Variants in DUSP18 observed in about 807,000 individuals in gnomAD.
The protein encoded by DUSP18 is dual specificity phosphatase 18.
DUSP18 carries 4 observed loss-of-function variants against 6.3 expected under a neutral mutation model. The ratio of observed to expected loss-of-function variants is 0.63; its 90% CI spans 0.31 to 1.45. The LOEUF is 1.45. Ranked by LOEUF, DUSP18 falls within the 40% of genes most tolerant of loss-of-function variation. The probability of loss-of-function intolerance (pLI) is 0.07; values close to 1 mark genes in which losing one functional copy is unlikely to be tolerated. For synonymous variants in DUSP18, 96 were observed against 95.1 expected (o/e 1.01, Z -0.05); for missense variants, 235 against 247.7 (o/e 0.95, Z 0.34).
chr22:30,663,734 G>A lies in DUSP18; in HGVS notation c.270C>T (p.Ile90=). The change falls in exon 2 of 2, where the codon ATC becomes ATT. Residue 90 remains isoleucine, a synonymous_variant. Transcript: ENST00000334679. ...GGCCCTGCTTCATCTCCACGCTGTG[G>A]ATATGGTCAGCAATAGGGTCAAAGA... is the stretch of plus-strand genomic sequence containing the variant. ...CDFFDPIADH[I]HSVEMKQGRT... The A allele has an allele frequency of 6.2e-7, 1 of 1,614,054 alleles. No individual in the cohort carries two copies.
downstream of DUSP18, among the ~76,000 whole-genome samples, chr22:30,657,909 T>TAAA (rs2088375958): frequency 7.0e-5 from 1 of 14,196 alleles, no homozygotes; most frequent in Non-Finnish European, 1.4e-4. Flanking sequence ...GTCTCAAAAA[T>TAAA]AATAATAATA....
At chr22:30,657,557 G>A (rs139117842), downstream of DUSP18, among the ~76,000 whole-genome samples, 8 of 151,918 alleles carry the variant, frequency 5.3e-5, no homozygotes, top group East Asian at 1.6e-3. Context: ...CCAGGAATTT[G>A]AGACCAGCCT....
At chr22:30,661,356 A>G (rs2088460702), downstream of DUSP18, 1 of 152,194 alleles carries the variant, frequency 6.6e-6, no homozygotes. Flanking sequence ...ATGCTCAAGT[A>G]ATATTTGCTT....
At chr22:30,660,624 T>C (rs917002738), downstream of DUSP18, among the ~76,000 whole-genome samples, 6 of 152,118 alleles carry the variant, frequency 3.9e-5, no homozygotes, top group Non-Finnish European at 8.8e-5. Context: ...TTCCCAGATA[T>C]CTGAAACACA....
downstream of DUSP18, among the ~76,000 whole-genome samples, chr22:30,660,650 GA>G (rs1233006157): frequency 6.6e-6 from 1 of 152,148 alleles, no homozygotes. Context: ...GTGGCTCTGT[GA>G]ACTCTGATAA....
chr22:30,662,828 A>C lies in DUSP18; in HGVS notation c.*609T>G, dbSNP rs2088516068. On this transcript the variant is annotated 3_prime_UTR_variant, in exon 2 of 2. Transcript: ENST00000334679. ...TGGGTGACAGAGCAGGACAGTTTCA[A>C]AAAAAGACAAAAAAAAATTTACACA... The C allele has an allele frequency of 6.6e-6, 1 of 152,654 alleles. No individual in the cohort carries two copies. Among genetic ancestry groups the C allele is most frequent in the East Asian group, 1.9e-4 (1 of 5,210 alleles). 9.5% of individuals were successfully genotyped at this position (152,654 alleles called of 1,614,324 possible).
At chr22:30,653,669 TG>T (rs2088273029) in intron 2 of DUSP18, among the ~76,000 whole-genome samples, 2 of 150,470 alleles carry the variant, frequency 1.3e-5, no homozygotes, top group South Asian at 4.2e-4. Context: ...CCACCACGCC[TG>T]GCCGCCTCCC....
chr22:30,667,230 A>G, intron 1 of DUSP18: 1 of 152,244 alleles, frequency 6.6e-6, no homozygotes, highest in East Asian at 1.9e-4. Flanking sequence ...GGACTTGTTC[A>G]GAACGAGTCA....
chr22:30,663,961 G>A lies in DUSP18; in HGVS notation c.43C>T (p.Pro15Ser). The part of the protein sequence containing the change: ...SCAFPVQFRQ[P>S]SVSGLSQITK... ...ATCTGCGAGAGGCCGCTGACTGAGG[G>A]CTGCCGGAACTGAACTGGGAAGGCA... The change falls in exon 2 of 2, where the codon CCC becomes TCC. Residue 15 changes from proline to serine, a missense_variant. Transcript: ENST00000334679. 6.2e-7 allele frequency: 1 copy of A among 1,614,212 alleles called. No homozygotes were observed. Among genetic ancestry groups the A allele is most frequent in the South Asian group, 1.1e-5 (1 of 91,090 alleles).
chr22:30,663,844 C>T lies in DUSP18; in HGVS notation c.160G>A (p.Val54Met), dbSNP rs1156442374. 1 of 1,614,094 alleles carries T rather than the reference C, an allele frequency of 6.2e-7. No homozygotes were observed. Among genetic ancestry groups the T allele is most frequent in the East Asian group, 2.2e-5 (1 of 44,894 alleles). ...TCATACAAGGTGTTCACTACCTCCA[C>T]TGAGACATTGATGACCATGGTGATC... ...NQITMVINVS[V>M]EVVNTLYEDI... The change falls in exon 2 of 2, where the codon GTG becomes ATG. Residue 54 changes from valine (V) to methionine (M), a missense_variant. By Grantham distance (21) the Val-to-Met change is conservative. Transcript: ENST00000334679.
Position 30,663,904 on chromosome 22 carries a change from C to A in DUSP18, c.100G>T (p.Ala34Ser). The A allele has an allele frequency of 6.2e-7, 1 of 1,614,200 alleles. No individual in the cohort carries two copies. Among genetic ancestry groups the A allele is most frequent in the Non-Finnish European group, 8.5e-7 (1 of 1,180,044 alleles). ...TKSLYISNGV[A>S]ANNKLMLSSN... The stretch of plus-strand genomic sequence containing the variant: ...GACAGCATGAGCTTGTTGTTGGCGG[C>A]CACACCATTGCTGATATACAGGCTT... Residue 34 changes from alanine to serine, a missense_variant, in exon 2 of 2, where the codon GCC becomes TCC. Transcript: ENST00000334679.
In DUSP18 at chr22:30,662,345, G is replaced by C. The variant is rs1185871903; in HGVS notation, c.*1092C>G. On this transcript the variant is annotated 3_prime_UTR_variant, in exon 2 of 2. Transcript: ENST00000334679. ...CACATGAAGAGGAGGTGACAGGGCT[G>C]GGCCTTGGTCCGAAGCTCCAGCCTT... 6.6e-6 allele frequency: 1 copy of C among 152,224 alleles called. No homozygotes were observed. The highest frequency in any genetic ancestry group is 1.5e-5 in the Non-Finnish European group (1 of 68,032). The allele number at this position is 152,224 out of a possible 1,614,324, so 9.4% of individuals were successfully genotyped here.
intron 1 of DUSP18, chr22:30,666,958 A>G (rs1363290946): frequency 6.6e-6 from 1 of 152,162 alleles, no homozygotes; most frequent in East Asian, 1.9e-4. Context: ...GGAAGTGTAA[A>G]AAAGATTTCT....
intron 2 of DUSP18, chr22:30,654,128 C>T (rs1217901819): frequency 1.7e-5 from 4 of 228,850 alleles, no homozygotes; most frequent in Non-Finnish European, 3.5e-5. Flanking sequence ...TACGGGCGCC[C>T]GCCACCACGC....
At chr22:30,657,620 A>T (rs893664356), downstream of DUSP18, among the ~76,000 whole-genome samples, 1 of 151,870 alleles carries the variant, frequency 6.6e-6, no homozygotes, top group South Asian at 2.1e-4. Context: ...GATTTAAAAA[A>T]TAGGCCAGGC....
In DUSP18 at chr22:30,663,264, A is replaced by T. The variant is rs1048687783; in HGVS notation, c.*173T>A. 3.1e-5 allele frequency: 21 copies of T among 675,328 alleles called. No individual in the cohort carries two copies. The highest frequency in any genetic ancestry group is 4.1e-4 in the Middle Eastern group (1 of 2,422). 41.8% of individuals were successfully genotyped at this position (675,328 alleles called of 1,614,324 possible). On this transcript the variant is annotated 3_prime_UTR_variant, in exon 2 of 2. Transcript: ENST00000334679. ...ACCATCTCACAATTAGTTTAATCTT[A>T]AAAAAAATGGATTATAAAGTTAAAA... is the stretch of plus-strand genomic sequence containing the variant.
At chr22:30,657,225 A>C (rs532406015), downstream of DUSP18, among the ~76,000 whole-genome samples, 6 of 151,998 alleles carry the variant, frequency 3.9e-5, no homozygotes, top group Non-Finnish European at 7.4e-5. Context: ...ACCTGAGGTC[A>C]GGAGTTTGAG....
At chr22:30,653,505 G>A (rs1303041344) in intron 2 of DUSP18, among the ~76,000 whole-genome samples, 1 of 151,858 alleles carries the variant, frequency 6.6e-6, no homozygotes, top group East Asian at 1.9e-4. Flanking sequence ...CTGAGTAGGT[G>A]GAACTACAGG....
At chr22:30,657,136 T>C (rs1213762290), downstream of DUSP18, among the ~76,000 whole-genome samples, 1 of 151,958 alleles carries the variant, frequency 6.6e-6, no homozygotes, top group Non-Finnish European at 1.5e-5. Context: ...CGAATAAGCA[T>C]GTAAGATAAA....
Sources: gnomAD v4.1 joint callset for allele counts (sites outside exome capture counted in the v4.1 genomes callset) on GRCh38, gnomAD v4.1.1 for gene constraint, MANE v1.5 for transcripts, NCBI Gene and HGNC (gene_info 2026-07-23, HGNC 2026-07-21) for gene names.